AKAP6: variants seen among roughly 807,000 people sequenced by gnomAD.
The protein encoded by AKAP6 is A-kinase anchoring protein 6, also known as A-kinase anchor protein 6.
Under a neutral mutation model 188.5 loss-of-function variants are expected in AKAP6, and 58 were observed. That is an observed-to-expected ratio of 0.31 (90% confidence interval 0.25 to 0.38). AKAP6 has a LOEUF of 0.38. AKAP6 is among the 10% of genes least tolerant of loss of function. AKAP6 has a pLI of 1.00. For synonymous variants in AKAP6, 989 were observed against 998.6 expected, an observed-to-expected ratio of 0.99 and a Z score of 0.18; for missense variants, 2,710 against 2,740.0, an observed-to-expected ratio of 0.99 and a Z score of 0.24.
chr14:32,389,676 C>T (rs1189168208), intron 1 of AKAP6, among the ~76,000 whole-genome samples: 1 of 152,094 alleles, frequency 6.6e-6, no homozygotes, highest in Non-Finnish European at 1.5e-5. Context: ...ATAGGGTCCC[C>T]ATCCCTTCTA....
chr14:32,712,769 A>G (rs2029961794), intron 9 of AKAP6, among the ~76,000 whole-genome samples: 1 of 152,066 alleles, frequency 6.6e-6, no homozygotes. Flanking sequence ...TTTCCACCAC[A>G]TCTGCTATTA....
chr14:32,646,204 T>A (rs1417032660), intron 7 of AKAP6, among the ~76,000 whole-genome samples: 2 of 152,050 alleles, frequency 1.3e-5, no homozygotes, highest in Non-Finnish European at 2.9e-5. Flanking sequence ...AAGGACCATT[T>A]AAAAAACTAA....
Position 32,758,041 on chromosome 14 carries a change from C to G in AKAP6, c.3373-15637C>G, listed in dbSNP as rs572763175. Reference sequence around the variant, plus strand: ...TGAGTCTGTGTATCTTGTCAACAGACTAAAGTATAAACTTTTAGAAAGTAT... The same window carrying G: ...TGAGTCTGTGTATCTTGTCAACAGAGTAAAGTATAAACTTTTAGAAAGTAT... On this transcript the variant is annotated intron_variant, in intron 11 of 13. Coordinates refer to ENST00000280979, the MANE Select transcript of AKAP6 (RefSeq NM_004274.5). Among the ~76,000 whole-genome samples, 8 of 152,288 alleles carry G rather than the reference C, an allele frequency of 5.3e-5. No homozygotes were observed. The East Asian group carries it at 1.5e-3, about 29-fold the overall frequency.
chr14:32,813,874 A>ATTT (rs71115099), intron 12 of AKAP6, among the ~76,000 whole-genome samples: 29,120 of 142,416 alleles, frequency 0.2, 3,840 homozygotes, highest in African/African-American at 0.38. Context: ...AAGTGATAGG[A>ATTT]TTTTTTTTTT....
chr14:32,670,732 T>C lies in AKAP6; in HGVS notation c.2731-7579T>C, dbSNP rs190204625. Among the ~76,000 whole-genome samples the C allele has an allele frequency of 3.0e-3, 454 of 152,158 alleles. 2 individuals carry two copies. The highest frequency in any genetic ancestry group is 0.01 in the African/African-American group (422 of 41,508). ...ATTAAAGAAGCTTTTTTTTCTTCTT[T>C]TTTTTTTCCCTGGGAAGAATAGTAA... On this transcript the variant is annotated intron_variant, in intron 7 of 13. Coordinates refer to ENST00000280979, the MANE Select transcript of AKAP6 (RefSeq NM_004274.5).
intron 2 of AKAP6, among the ~76,000 whole-genome samples, chr14:32,469,358 T>C (rs555058433): frequency 6.6e-6 from 1 of 152,254 alleles, no homozygotes; most frequent in South Asian, 2.1e-4. Flanking sequence ...AAAAACAAGA[T>C]AGGCACACAA....
Position 32,811,255 on chromosome 14 carries a change from A to AAAAAAAAT in AKAP6, c.3589-10146_3589-10145insAAAAAATA, listed in dbSNP as rs546819675. Among the ~76,000 whole-genome samples, 597 of 118,340 alleles carry AAAAAAAAT rather than the reference A, an allele frequency of 5.0e-3. 57 individuals are homozygous for AAAAAAAAT. The highest frequency in any genetic ancestry group is 0.017 in the African/African-American group (552 of 31,562). The allele number at this position is 118,340 out of a possible 152,430, so 77.6% of individuals were successfully genotyped here. A position where few individuals can be genotyped will look rare whatever the true frequency, so the allele number is the denominator to read the frequency against. The stretch of plus-strand genomic sequence containing the variant: ...CTCCGTCTCAGGAAAAAAAAAAAAA[A>AAAAAAAAT]AGTTGAAAAACAGACTAAGATAATG... On this transcript the variant is annotated intron_variant, in intron 12 of 13. Transcript: ENST00000280979.
chr14:32,358,094 G>A lies in AKAP6; in HGVS notation c.-35+28686G>A, dbSNP rs115620096. ...CAGAATTGAAAGAGGGCATCAAAGAGCACCATCTTTAGGTTGTTGCTTACC... is the reference window on the plus strand; with the variant it reads ...CAGAATTGAAAGAGGGCATCAAAGAACACCATCTTTAGGTTGTTGCTTACC... On this transcript the variant is annotated intron_variant, in intron 1 of 13. Transcript: ENST00000280979. Among the ~76,000 whole-genome samples, 1,030 of 152,324 alleles carry A rather than the reference G, an allele frequency of 6.8e-3. 11 individuals carry two copies. The highest frequency in any genetic ancestry group is 0.024 in the African/African-American group (988 of 41,570).
chr14:32,751,533 T>A (rs923986293), intron 11 of AKAP6, among the ~76,000 whole-genome samples: 3 of 145,550 alleles, frequency 2.1e-5, no homozygotes, highest in Non-Finnish European at 1.5e-5. Flanking sequence ...ACTTGGTGAG[T>A]CCTAAATGAT....
intron 11 of AKAP6, among the ~76,000 whole-genome samples, chr14:32,770,735 A>G (rs1382549274): frequency 2.0e-5 from 3 of 152,170 alleles, no homozygotes; most frequent in Non-Finnish European, 2.9e-5. Context: ...ACTTGCACAT[A>G]CTTCTGTTAG....
At chr14:32,781,637 G>A (rs1031530066) in intron 12 of AKAP6, among the ~76,000 whole-genome samples, 3 of 151,960 alleles carry the variant, frequency 2.0e-5, no homozygotes, top group African/African-American at 7.3e-5. Context: ...CCTTATGAAT[G>A]TCAATAAAAA....
chr14:32,467,318 T>C (rs1182075221), intron 2 of AKAP6, among the ~76,000 whole-genome samples: 2 of 152,040 alleles, frequency 1.3e-5, no homozygotes, highest in African/African-American at 2.4e-5. Context: ...TCAAATTAAT[T>C]TGAGGTTGGG....
intron 7 of AKAP6, among the ~76,000 whole-genome samples, chr14:32,665,071 C>T (rs2139590418): frequency 6.6e-6 from 1 of 152,244 alleles, no homozygotes; most frequent in Admixed American, 6.5e-5. Flanking sequence ...TACTCTCACA[C>T]CACAATAATC....
intron 2 of AKAP6, among the ~76,000 whole-genome samples, chr14:32,513,604 A>G (rs80096645): frequency 0.018 from 2,705 of 152,266 alleles, 42 homozygotes; most frequent in Non-Finnish European, 0.027. Flanking sequence ...ATAGTTTGAC[A>G]TGCATTCCCT....
chr14:32,577,667 G>C (rs1323014376), intron 5 of AKAP6, among the ~76,000 whole-genome samples: 1 of 151,754 alleles, frequency 6.6e-6, no homozygotes, highest in East Asian at 1.9e-4. Context: ...TTCTACACTG[G>C]GTTATTTTAA....
At chr14:32,702,815 C>G (rs547220862) in intron 9 of AKAP6, among the ~76,000 whole-genome samples, 3 of 152,294 alleles carry the variant, frequency 2.0e-5, no homozygotes, top group African/African-American at 7.2e-5. Context: ...CTAGACAGCC[C>G]TGTCGTACTC....
rs10146596 is a variant in AKAP6, at chr14:32,673,379, C to T, written c.2731-4932C>T. On this transcript the variant is annotated intron_variant, in intron 7 of 13. Coordinates refer to ENST00000280979, the MANE Select transcript of AKAP6 (RefSeq NM_004274.5). ...TAACTAAGTTTTCTTCTTCCTTGTT[C>T]CCACAGTTCTTGGTACAGTTCTTGA... Among the ~76,000 whole-genome samples, 473 of 152,306 alleles carry T rather than the reference C, an allele frequency of 3.1e-3. 8 individuals carry two copies. The highest frequency in any genetic ancestry group is 0.01 in the African/African-American group (422 of 41,570).
intron 3 of AKAP6, 59 bp downstream of exon 3, chr14:32,535,864 T>C: frequency 6.4e-7 from 1 of 1,557,712 alleles, no homozygotes. Flanking sequence ...TTGAGAATGT[T>C]TTCAGTTTAG....
intron 9 of AKAP6, among the ~76,000 whole-genome samples, chr14:32,717,175 CAT>C (rs1043214063): frequency 1.3e-5 from 2 of 152,048 alleles, no homozygotes; most frequent in African/African-American, 4.8e-5. Flanking sequence ...TCAAAAATCA[CAT>C]GTTTTGGTAC....
Sources: allele counts gnomAD v4.1 joint callset (sites outside exome capture counted in the v4.1 genomes callset), GRCh38; gene constraint gnomAD v4.1.1; transcripts MANE v1.5; gene names NCBI Gene and HGNC (gene_info 2026-07-23, HGNC 2026-07-21).